The following ZNF737 variants were observed in gnomAD, a reference collection of about 807,000 sequenced individuals.
ZNF737 encodes zinc finger protein 737.
A neutral mutation model predicts 11.7 loss-of-function variants in ZNF737; 13 were observed. That is an observed-to-expected ratio of 1.11 (90% confidence interval 0.73 to 1.77). The LOEUF (loss-of-function observed/expected upper bound fraction) is 1.77. ZNF737 is among the 40% of genes most tolerant of loss of function. The probability of loss-of-function intolerance (pLI) is 0.00; values close to 1 mark genes in which losing one functional copy is unlikely to be tolerated. For synonymous variants in ZNF737, 217 were observed against 216.2 expected (o/e 1.00, Z -0.03); for missense variants, 636 against 638.0 (o/e 1.00, Z 0.03).
At chr19:20,537,673 T>C (rs43191), downstream of ZNF737, among the ~76,000 whole-genome samples, 91,453 of 150,560 alleles carry the variant, frequency 0.61, 28,092 homozygotes, top group East Asian at 0.75. Flanking sequence ...CATGCCACTA[T>C]GCCCGGCTAA....
downstream of ZNF737, among the ~76,000 whole-genome samples, chr19:20,537,132 A>C (rs1399025404): frequency 6.6e-6 from 1 of 151,976 alleles, no homozygotes; most frequent in Non-Finnish European, 1.5e-5. Flanking sequence ...CTGATCATGA[A>C]TAGCACTTTT....
At position 20,542,989 on chromosome 19, in the gene ZNF737, T is replaced by C. The variant is rs1224505508; in HGVS notation, c.*1603A>G. The stretch of plus-strand genomic sequence containing the variant: ...TCCTTTTAAAGTTAAATAGAAATCA[T>C]TTACCTAAAAACTGCAGTTGTGGAT... On this transcript the variant is annotated 3_prime_UTR_variant, in exon 4 of 4. Transcript: ENST00000427401. The C allele has an allele frequency of 1.0e-6, 1 of 985,000 alleles. No individual in the cohort carries two copies. The highest frequency in any genetic ancestry group is 1.7e-5 in the African/African-American group (1 of 57,236). 61.0% of individuals were successfully genotyped at this position (985,000 alleles called of 1,614,324 possible). A position where few individuals can be genotyped will look rare whatever the true frequency, so the allele number is the denominator to read the frequency against.
Position 20,544,363 on chromosome 19 carries a change from GA to G in ZNF737, c.*228del. ...AACTCACAGGGTTTCTCTCCAGTACGAATTATCTTATGTCTAGTAAGGGCAG... is the reference window on the plus strand; with the variant it reads ...AACTCACAGGGTTTCTCTCCAGTACGATTATCTTATGTCTAGTAAGGGCAG... On this transcript the variant is annotated 3_prime_UTR_variant, in exon 4 of 4. Coordinates refer to ENST00000427401, the MANE Select transcript of ZNF737 (RefSeq NM_001159293.2). The G allele has an allele frequency of 7.3e-7, 1 of 1,371,096 alleles. No individual in the cohort carries two copies. Among genetic ancestry groups the G allele is most frequent in the Non-Finnish European group, 9.4e-7 (1 of 1,066,000 alleles). The allele number at this position is 1,371,096 out of a possible 1,614,324, so 84.9% of individuals were successfully genotyped here.
chr19:20,552,710 T>C, intron 2 of ZNF737, 140 bp from the exon 3 acceptor site: 1 of 582,644 alleles, frequency 1.7e-6, no homozygotes, highest in Middle Eastern at 5.3e-4. Context: ...AATTTCTAAA[T>C]ATTTAGAAAA....
At chr19:20,531,009 C>T (rs142122455), downstream of ZNF737, among the ~76,000 whole-genome samples, 28,262 of 147,956 alleles carry the variant, frequency 0.19, 4,651 homozygotes, top group African/African-American at 0.35. Context: ...GCGGATCACT[C>T]GCGGTTAGGA....
chr19:20,557,795 T>G (rs143287785), intron 1 of ZNF737, among the ~76,000 whole-genome samples: 2,474 of 152,066 alleles, frequency 0.016, 65 homozygotes, highest in African/African-American at 0.057. Context: ...TTTTGTATTA[T>G]TAGTAGAGAC....
Position 20,553,770 on chromosome 19 carries a change from A to G in ZNF737, c.69T>C (p.Thr23=). Reference sequence around the variant, plus strand: ...CATTCCTATATAAATTCCGCTGTGCAGTGTCCAGGCAATGCCACTCCTCCA... The same window carrying G: ...CATTCCTATATAAATTCCGCTGTGCGGTGTCCAGGCAATGCCACTCCTCCA... ...FSLEEWHCLD[T]AQRNLYRNVM... Residue 23 remains threonine, a synonymous_variant, in exon 2 of 4, where the codon ACT becomes ACC. Transcript: ENST00000427401. 7 of 1,614,082 alleles carry G rather than the reference A, an allele frequency of 4.3e-6. No homozygotes were observed. The highest frequency in any genetic ancestry group is 1.1e-5 in the South Asian group (1 of 91,060).
chr19:20,555,173 ATTTCT>A (rs574499421), intron 1 of ZNF737, among the ~76,000 whole-genome samples: 28 of 130,836 alleles, frequency 2.1e-4, no homozygotes, highest in Admixed American at 1.1e-3. Context: ...TAAATAAGGA[ATTTCT>A]TTTCTTTTCT....
At position 20,545,246 on chromosome 19, in the gene ZNF737, G is replaced by A; in HGVS notation, c.957C>T (p.Gly319=). ...GEKPYKCEEC[G]KAFKHPSVLT... is the part of the protein sequence containing the mutation. Reference sequence around the variant, plus strand: ...GGACAGAGGGGTGCTTAAAGGCTTTGCCACATTCTTCACATTTGTAGGGTT... The same window carrying A: ...GGACAGAGGGGTGCTTAAAGGCTTTACCACATTCTTCACATTTGTAGGGTT... Residue 319 remains glycine (G), a synonymous_variant, in exon 4 of 4, where the codon GGC becomes GGT. Transcript: ENST00000427401. The A allele has an allele frequency of 6.2e-7, 1 of 1,613,788 alleles. No homozygotes were observed. The highest frequency in any genetic ancestry group is 8.5e-7 in the Non-Finnish European group (1 of 1,179,918).
In ZNF737 at chr19:20,541,584, C is replaced by T. The variant is rs930428334; in HGVS notation, c.*3008G>A. 48 of 242,096 alleles carry T rather than the reference C, an allele frequency of 2.0e-4. No individual in the cohort carries two copies. Among genetic ancestry groups the T allele is most frequent in the African/African-American group, 8.8e-4 (38 of 43,118 alleles). 15.0% of individuals were successfully genotyped at this position (242,096 alleles called of 1,614,324 possible). ...GCCTCAGCCTCCTGGCATGTGCCACCATGCCTAATTTTTGTGTTTTTAGTA... is the reference window on the plus strand; with the variant it reads ...GCCTCAGCCTCCTGGCATGTGCCACTATGCCTAATTTTTGTGTTTTTAGTA... On this transcript the variant is annotated 3_prime_UTR_variant, in exon 4 of 4. Transcript: ENST00000427401.
At chr19:20,531,478 A>G (rs1967827788), downstream of ZNF737, among the ~76,000 whole-genome samples, 1 of 146,740 alleles carries the variant, frequency 6.8e-6, no homozygotes, top group Non-Finnish European at 1.5e-5. Flanking sequence ...TTTGTTTTGA[A>G]TCGAGTCTTG....
chr19:20,552,970 C>T (rs1968744974), intron 2 of ZNF737, among the ~76,000 whole-genome samples: 1 of 151,220 alleles, frequency 6.6e-6, no homozygotes, highest in Admixed American at 6.6e-5. Context: ...TGAGATCACA[C>T]CACTGCACTC....
chr19:20,552,814 C>T (rs561931224), intron 2 of ZNF737, among the ~76,000 whole-genome samples: 31 of 152,072 alleles, frequency 2.0e-4, no homozygotes, highest in African/African-American at 6.0e-4. Context: ...GAGTTAGAGA[C>T]CAGCCTGGCC....
chr19:20,536,764 A>G (rs181181445), downstream of ZNF737, among the ~76,000 whole-genome samples: 1 of 152,298 alleles, frequency 6.6e-6, no homozygotes, highest in East Asian at 1.9e-4. Flanking sequence ...CAACATGGCT[A>G]AACCTCTTCT....
At chr19:20,560,585 A>G (rs1189971657) in intron 1 of ZNF737, among the ~76,000 whole-genome samples, 2 of 152,148 alleles carry the variant, frequency 1.3e-5, no homozygotes, top group African/African-American at 4.8e-5. Context: ...GTTCGAGACC[A>G]GCCTGCCCAA....
At position 20,541,081 on chromosome 19, in the gene ZNF737, TG is replaced by T; in HGVS notation, c.*3510del. The T allele has an allele frequency of 1.0e-6, 1 of 985,286 alleles. No individual in the cohort carries two copies. Among genetic ancestry groups the T allele is most frequent in the Non-Finnish European group, 1.2e-6 (1 of 829,822 alleles). The allele number at this position is 985,286 out of a possible 1,614,324, so 61.0% of individuals were successfully genotyped here. A position where few individuals can be genotyped will look rare whatever the true frequency, so the allele number is the denominator to read the frequency against. ...TGCCTGTGCTTTAATAGGCAGACTC[TG>T]GGGAGAATCCGAATCACAGGCCAGA... is the stretch of plus-strand genomic sequence containing the variant. On this transcript the variant is annotated 3_prime_UTR_variant, in exon 4 of 4. Transcript: ENST00000427401.
At chr19:20,553,638 A>T in intron 2 of ZNF737, 71 bp downstream of exon 2, 1 of 1,456,066 alleles carries the variant, frequency 6.9e-7, no homozygotes, top group Non-Finnish European at 9.3e-7. Context: ...AAATTACTAA[A>T]AAAATTCTAC....
chr19:20,538,773 A>G lies in ZNF737; in HGVS notation c.*5819T>C. The G allele has an allele frequency of 2.0e-6, 2 of 985,380 alleles. No homozygotes were observed. Among genetic ancestry groups the G allele is most frequent in the African/African-American group, 1.7e-5 (1 of 57,340 alleles). The allele number at this position is 985,380 out of a possible 1,614,324, so 61.0% of individuals were successfully genotyped here. ...CATGCACCCAATAGAGTCTTAATTT[A>G]ATTGGGCTGTTATTTGCATAGCTAG... On this transcript the variant is annotated 3_prime_UTR_variant, in exon 4 of 4. Coordinates refer to ENST00000427401, the MANE Select transcript of ZNF737 (RefSeq NM_001159293.2).
intron 1 of ZNF737, 92 bp downstream of exon 1, chr19:20,565,546 C>T: frequency 6.3e-7 from 1 of 1,598,768 alleles, no homozygotes; most frequent in Admixed American, 1.7e-5. Context: ...GTGGAGCTGA[C>T]TGCGCAGAGG....
Sources: gnomAD v4.1 joint callset for allele counts (sites outside exome capture counted in the v4.1 genomes callset) on GRCh38, gnomAD v4.1.1 for gene constraint, MANE v1.5 for transcripts, NCBI Gene and HGNC (gene_info 2026-07-23, HGNC 2026-07-21) for gene names.